SCG5: variants seen among roughly 807,000 people sequenced by gnomAD.
SCG5 encodes the protein neuroendocrine protein 7B2.
Under a neutral mutation model 25.7 loss-of-function variants are expected in SCG5, and 18 were observed. That is an observed-to-expected ratio of 0.70 (90% CI 0.48 to 1.04). SCG5 has a LOEUF of 1.04. Among genes scored for constraint, SCG5 ranks in the 50% least tolerant of loss-of-function variants. The pLI is 0.00. For synonymous variants in SCG5, 101 were observed against 91.7 expected, an observed-to-expected ratio of 1.10 and a Z score of -0.58; for missense variants, 206 against 259.8, an observed-to-expected ratio of 0.79 and a Z score of 1.42.
chr15:32,663,864 C>T (rs374817457), intron 2 of SCG5, among the ~76,000 whole-genome samples: 43 of 151,450 alleles, frequency 2.8e-4, no homozygotes, highest in South Asian at 8.4e-4. Flanking sequence ...CCTTGTCATT[C>T]GCCACATCTA....
At chr15:32,649,512 C>T (rs1446773651) in intron 2 of SCG5, among the ~76,000 whole-genome samples, 1 of 152,080 alleles carries the variant, frequency 6.6e-6, no homozygotes, top group Non-Finnish European at 1.5e-5. Context: ...TTTTTGCAGT[C>T]CTGGGACTAA....
At chr15:32,651,778 G>C (rs936952077) in intron 2 of SCG5, among the ~76,000 whole-genome samples, 8 of 152,186 alleles carry the variant, frequency 5.3e-5, no homozygotes, top group African/African-American at 1.9e-4. Flanking sequence ...GAAACGGGGA[G>C]GTTCTTTTTG....
In SCG5 at chr15:32,684,392, TC is replaced by T. The variant is rs1356255730; in HGVS notation, c.377-163del. Reference sequence around the variant, plus strand: ...AGGAGTGGGAGTTTGAGATGAGTAATCCTATCTAACTGGATCCTAGAGGGAA... The same window carrying T: ...AGGAGTGGGAGTTTGAGATGAGTAATCTATCTAACTGGATCCTAGAGGGAA... On this transcript the variant is annotated intron_variant, in intron 3 of 5. Transcript: ENST00000300175. 9.2e-5 allele frequency: 55 copies of T among 599,946 alleles called. 1 individual carries two copies. The highest frequency in any genetic ancestry group is 7.6e-4 in the Middle Eastern group (2 of 2,618). 37.2% of individuals were successfully genotyped at this position (599,946 alleles called of 1,614,324 possible). A position where few individuals can be genotyped will look rare whatever the true frequency, so the allele number is the denominator to read the frequency against.
intron 4 of SCG5, among the ~76,000 whole-genome samples, chr15:32,688,897 T>C (rs1163358139): frequency 1.4e-5 from 2 of 146,720 alleles, no homozygotes; most frequent in African/African-American, 5.1e-5. Flanking sequence ...AGGCGGAGCT[T>C]GCAGCGAGCC....
At chr15:32,679,018 T>C (rs2140568432) in intron 2 of SCG5, among the ~76,000 whole-genome samples, 1 of 152,342 alleles carries the variant, frequency 6.6e-6, no homozygotes, top group Non-Finnish European at 1.5e-5. Context: ...CATAATGTGC[T>C]TTCAGCCTGT....
At chr15:32,644,313 T>C (rs1035045698) in intron 2 of SCG5, among the ~76,000 whole-genome samples, 1 of 152,222 alleles carries the variant, frequency 6.6e-6, no homozygotes, top group Non-Finnish European at 1.5e-5. Context: ...AGGATCTGAC[T>C]TGATTCCTAG....
At chr15:32,683,898 A>C (rs78368819) in intron 3 of SCG5, among the ~76,000 whole-genome samples, 1,832 of 152,352 alleles carry the variant, frequency 0.012, 17 homozygotes, top group Admixed American at 0.032. Flanking sequence ...CTCAGGAGAA[A>C]ACAGAGTGGG....
intron 5 of SCG5, chr15:32,692,321 G>T (rs1321647114): frequency 3.1e-6 from 3 of 976,860 alleles, no homozygotes; most frequent in Non-Finnish European, 2.4e-6. Flanking sequence ...TTTGCTGTCT[G>T]TTGAATTTAC....
chr15:32,694,924 T>G (rs992447663), intron 5 of SCG5, among the ~76,000 whole-genome samples: 18 of 152,210 alleles, frequency 1.2e-4, no homozygotes, highest in Non-Finnish European at 2.1e-4. Flanking sequence ...GCAAGAGAGC[T>G]CCACCTGTGA....
At chr15:32,682,045 A>C (rs1315318210) in intron 3 of SCG5, among the ~76,000 whole-genome samples, 1 of 152,146 alleles carries the variant, frequency 6.6e-6, no homozygotes, top group Non-Finnish European at 1.5e-5. Context: ...GATGGGTAGG[A>C]AGAAAGACTA....
chr15:32,662,088 A>C (rs1447103056), intron 2 of SCG5, among the ~76,000 whole-genome samples: 1 of 152,216 alleles, frequency 6.6e-6, no homozygotes, highest in Non-Finnish European at 1.5e-5. Flanking sequence ...CAATTTACTC[A>C]AGCATTTTTG....
chr15:32,670,249 C>G (rs11855680), intron 2 of SCG5, among the ~76,000 whole-genome samples: 32,310 of 152,232 alleles, frequency 0.21, 3,605 homozygotes, highest in Non-Finnish European at 0.24. Flanking sequence ...ATTTAGATCT[C>G]TCCTACAAGG....
intron 5 of SCG5, chr15:32,692,059 C>G: frequency 8.0e-7 from 1 of 1,246,612 alleles, no homozygotes; most frequent in Non-Finnish European, 1.0e-6. Flanking sequence ...TGGGACATAT[C>G]TGGGGGGACA....
chr15:32,647,050 A>T (rs1255470181), intron 2 of SCG5, among the ~76,000 whole-genome samples: 1 of 152,216 alleles, frequency 6.6e-6, no homozygotes, highest in Non-Finnish European at 1.5e-5. Flanking sequence ...ATTGTCAGAG[A>T]CACCCGAATT....
At chr15:32,653,102 A>C (rs2054059600) in intron 2 of SCG5, among the ~76,000 whole-genome samples, 1 of 152,252 alleles carries the variant, frequency 6.6e-6, no homozygotes, top group Non-Finnish European at 1.5e-5. Flanking sequence ...TGCATGCACA[A>C]AATGTGAAAT....
chr15:32,658,871 C>T (rs1457727441), intron 2 of SCG5, among the ~76,000 whole-genome samples: 4 of 152,168 alleles, frequency 2.6e-5, no homozygotes, highest in Non-Finnish European at 4.4e-5. Flanking sequence ...TTCAGTCACT[C>T]AGCACTTAAC....
chr15:32,696,023 T>C (rs2140623823), intron 5 of SCG5, among the ~76,000 whole-genome samples: 1 of 152,350 alleles, frequency 6.6e-6, no homozygotes, highest in South Asian at 2.1e-4. Context: ...CACTGAGGTA[T>C]TAATTAGTAC....
At chr15:32,659,942 G>A (rs1248086753) in intron 2 of SCG5, among the ~76,000 whole-genome samples, 1 of 152,058 alleles carries the variant, frequency 6.6e-6, no homozygotes, top group East Asian at 1.9e-4. Flanking sequence ...TCCAGACTCT[G>A]AATAGCCCTT....
intron 3 of SCG5, among the ~76,000 whole-genome samples, 178 bp downstream of exon 3, chr15:32,680,093 G>A (rs1567084972): frequency 6.6e-6 from 1 of 151,850 alleles, no homozygotes; most frequent in Non-Finnish European, 1.5e-5. Context: ...TGAGCTCTGT[G>A]TTCAGACACA....
Sources: allele counts gnomAD v4.1 joint callset (sites outside exome capture counted in the v4.1 genomes callset), GRCh38; gene constraint gnomAD v4.1.1; transcripts MANE v1.5; gene names NCBI Gene and HGNC (gene_info 2026-07-23, HGNC 2026-07-21).